Variants in CEP152 observed in about 807,000 individuals in gnomAD.
The protein encoded by CEP152 is centrosomal protein of 152 kDa.
In CEP152, 132 loss-of-function variants were observed where a neutral mutation model predicts 188.9. The observed-to-expected ratio is 0.70, with a 90% confidence interval of 0.61 to 0.81. The LOEUF (loss-of-function observed/expected upper bound fraction) is 0.81, where lower values mean the gene tolerates loss of function less well. CEP152 is among the 30% of genes least tolerant of loss of function. The probability of loss-of-function intolerance (pLI) is 0.00; values close to 1 mark genes in which losing one functional copy is unlikely to be tolerated. For missense variants in CEP152, 1,914 were observed against 1,969.8 expected (o/e 0.97, Z 0.54); for synonymous variants, 649 against 666.6 (o/e 0.97, Z 0.41).
At chr15:48,775,640 G>A (rs1284465988) in intron 12 of CEP152, among the ~76,000 whole-genome samples, 2 of 152,116 alleles carry the variant, frequency 1.3e-5, no homozygotes, top group African/African-American at 2.4e-5. Flanking sequence ...ATTCACAGAA[G>A]ATCATATTAT....
chr15:48,741,086 T>C, intron 26 of CEP152: 3 of 999,662 alleles, frequency 3.0e-6, no homozygotes, highest in Non-Finnish European at 3.6e-6. Context: ...ACTGTCTTCT[T>C]TCTCTCAGGG....
intron 6 of CEP152, among the ~76,000 whole-genome samples, chr15:48,795,622 T>C (rs1337083062): frequency 6.6e-6 from 1 of 152,206 alleles, no homozygotes; most frequent in Non-Finnish European, 1.5e-5. Flanking sequence ...GACTGAAATA[T>C]AAAGTTGGAA....
intron 2 of CEP152, among the ~76,000 whole-genome samples, chr15:48,804,103 T>G (rs574303948): frequency 7.2e-5 from 11 of 152,300 alleles, no homozygotes; most frequent in African/African-American, 2.4e-4. Context: ...CCCATGTCTG[T>G]GTGAGAAGTG....
chr15:48,804,177 C>T (rs181134422), intron 2 of CEP152, among the ~76,000 whole-genome samples: 2 of 152,376 alleles, frequency 1.3e-5, no homozygotes, highest in African/African-American at 4.8e-5. Flanking sequence ...CTGCCATGTG[C>T]AAATACAGGC....
intron 2 of CEP152, among the ~76,000 whole-genome samples, chr15:48,799,433 T>C (rs976873279): frequency 3.3e-5 from 5 of 152,168 alleles, no homozygotes; most frequent in Non-Finnish European, 7.4e-5. Flanking sequence ...TGGGTGGGAA[T>C]ACTTCCTCAC....
chr15:48,801,180 ATTTTCAAATATG>A (rs1271589215), intron 2 of CEP152, among the ~76,000 whole-genome samples: 10 of 152,226 alleles, frequency 6.6e-5, no homozygotes, highest in Non-Finnish European at 1.3e-4. Context: ...AGATTCTGAT[ATTTTCAAATATG>A]AATTATTAAA....
rs1168082433 is a variant in CEP152, at chr15:48,756,418, C to T, written c.2830G>A (p.Glu944Lys). The T allele has an allele frequency of 1.2e-6, 2 of 1,613,516 alleles. No homozygotes were observed. Among genetic ancestry groups the T allele is most frequent in the Non-Finnish European group, 1.7e-6 (2 of 1,179,702 alleles). ...LQKELELKNE[E>K]VPVVIRAELA... ...TCAGCCCTGATGACCACAGGGACTT[C>T]TTCGTTCTTTAACTCAAGTTCCTTC... The change falls in exon 20 of 27, where the codon GAA becomes AAA. Residue 944 changes from glutamate (E) to lysine (K), a missense_variant. Transcript: ENST00000380950.
At position 48,793,359 on chromosome 15, in the gene CEP152, T is replaced by G. The variant is rs267606717; in HGVS notation, c.794A>C (p.Gln265Pro). ...AAGCTGGTGATTCAGATATCGAATT[T>G]GACGTTCACTTTCATTTAACTTTTC... is the stretch of plus-strand genomic sequence containing the variant. ...LIEKLNESER[Q>P]IRYLNHQLVI... is the part of the protein sequence containing the mutation. The change falls in exon 7 of 27, where the codon CAA becomes CCA. Residue 265 changes from glutamine (Q) to proline (P), a missense_variant. Physicochemically the swap from Gln to Pro is moderately conservative, Grantham distance 76. Transcript: ENST00000380950. 13 of 1,614,074 alleles carry G rather than the reference T, an allele frequency of 8.1e-6. No homozygotes were observed. The highest frequency in any genetic ancestry group is 1.0e-5 in the Non-Finnish European group (12 of 1,179,992).
At chr15:48,734,212 C>CAT (rs59095753), downstream of CEP152, among the ~76,000 whole-genome samples, 4,050 of 147,718 alleles carry the variant, frequency 0.027, 62 homozygotes, top group Non-Finnish European at 0.031. Context: ...TATACATATA[C>CAT]ATATATATAT....
At chr15:48,757,796 C>T (rs1325767792) in intron 19 of CEP152, among the ~76,000 whole-genome samples, 1 of 152,186 alleles carries the variant, frequency 6.6e-6, no homozygotes, top group African/African-American at 2.4e-5. Context: ...CCTTTGCTAC[C>T]AGCAGAATAA....
At chr15:48,794,230 T>C (rs1323432907) in intron 6 of CEP152, among the ~76,000 whole-genome samples, 1 of 152,060 alleles carries the variant, frequency 6.6e-6, no homozygotes, top group East Asian at 1.9e-4. Flanking sequence ...TTAGAAACAA[T>C]TAGTCATTTG....
In CEP152 at chr15:48,784,065, T is replaced by C; in HGVS notation, c.1229A>G (p.Glu410Gly). 6.2e-7 allele frequency: 1 copy of C among 1,613,852 alleles called. No homozygotes were observed. Residue 410 changes from glutamate to glycine, a missense_variant, in exon 10 of 27, where the codon GAA becomes GGA. Transcript: ENST00000380950. Reference protein sequence around the residue: ...DHVKQLERNQEAIKLEKTEII... With the variant: ...DHVKQLERNQGAIKLEKTEII... ...CTCAGTCTTTTCTAACTTGATTGCT[T>C]CTTGATTCCTTTCCAGTTGTTTCAC...
Position 48,762,672 on chromosome 15 carries a change from T to C in CEP152, c.2281A>G (p.Ile761Val), listed in dbSNP as rs758007475. The change falls in exon 18 of 27, where the codon ATC becomes GTC. Residue 761 changes from isoleucine to valine, a missense_variant and splice_region_variant. By Grantham distance (29) the Ile-to-Val change is conservative. Transcript: ENST00000380950. ...AGCTGTTGAATGAGTTTTTCTTTGA[T>C]CTGTTTTCAGAAGAAAAATCATACG... ...TEKEQQTQEK[I>V]KEKLIQQLEK... is the part of the protein sequence containing the mutation. 1 of 1,613,300 alleles carries C rather than the reference T, an allele frequency of 6.2e-7. No individual in the cohort carries two copies. Among genetic ancestry groups the C allele is most frequent in the Non-Finnish European group, 8.5e-7 (1 of 1,179,906 alleles).
rs921176109 is a variant in CEP152, at chr15:48,796,297, C to T, written c.541-137G>A. Reference sequence around the variant, plus strand: ...AAAGTTGTTTATATATATACACACACACACACACACACACACACACACACA... The same window carrying T: ...AAAGTTGTTTATATATATACACACATACACACACACACACACACACACACA... On this transcript the variant is annotated intron_variant, in intron 5 of 26. Transcript: ENST00000380950. 662 of 608,046 alleles carry T rather than the reference C, an allele frequency of 1.1e-3. 2 individuals are homozygous for T. Among genetic ancestry groups the T allele is most frequent in the East Asian group, 5.3e-3 (157 of 29,622 alleles). The allele number at this position is 608,046 out of a possible 1,614,324, so 37.7% of individuals were successfully genotyped here. A position where few individuals can be genotyped will look rare whatever the true frequency, so the allele number is the denominator to read the frequency against.
At chr15:48,767,486 G>A (rs1364991293) in intron 15 of CEP152, 23 bp from the exon 16 acceptor site, 6 of 1,613,840 alleles carry the variant, frequency 3.7e-6, no homozygotes, top group African/African-American at 1.3e-5. Context: ...CGGAATCAAA[G>A]GCAATGCCCA....
At chr15:48,787,276 T>C (rs1896723573) in intron 9 of CEP152, among the ~76,000 whole-genome samples, 1 of 143,492 alleles carries the variant, frequency 7.0e-6, no homozygotes, top group African/African-American at 2.5e-5. Context: ...CAAGCAATCC[T>C]CCCACCTCAG....
chr15:48,744,994 TA>T lies in CEP152; in HGVS notation c.3635-3del, dbSNP rs1893299996. On this transcript the variant is annotated splice_polypyrimidine_tract_variant and splice_region_variant and intron_variant, in intron 22 of 26. Coordinates refer to ENST00000380950, the MANE Select transcript of CEP152 (RefSeq NM_001194998.2). ...CTTCAACAACTTTATTATTCTCTTC[TA>T]TAACAGAAAGTTTATAGTATATTAG... is the stretch of plus-strand genomic sequence containing the variant. The T allele has an allele frequency of 1.3e-6, 2 of 1,591,268 alleles. No homozygotes were observed. The highest frequency in any genetic ancestry group is 1.7e-6 in the Non-Finnish European group (2 of 1,167,730).
chr15:48,804,047 G>A (rs1256483038), intron 2 of CEP152, among the ~76,000 whole-genome samples: 1 of 152,224 alleles, frequency 6.6e-6, no homozygotes, highest in Non-Finnish European at 1.5e-5. Flanking sequence ...TCAGGGCCCT[G>A]GCAGAGAATT....
chr15:48,767,549 T>C, intron 15 of CEP152, 86 bp from the exon 16 acceptor site: 2 of 1,558,538 alleles, frequency 1.3e-6, no homozygotes, highest in Middle Eastern at 1.7e-4. Flanking sequence ...TCCTCACCTC[T>C]TCCCTCTAAT....
Sources: allele counts gnomAD v4.1 joint callset (sites outside exome capture counted in the v4.1 genomes callset), GRCh38; gene constraint gnomAD v4.1.1; transcripts MANE v1.5; gene names NCBI Gene and HGNC (gene_info 2026-07-23, HGNC 2026-07-21).